The following CSMD3 variants were observed in gnomAD, a reference collection of about 807,000 sequenced individuals.
CSMD3 encodes the protein CUB and sushi domain-containing protein 3.
Under a neutral mutation model 435.2 loss-of-function variants are expected in CSMD3, and 177 were observed. That is an observed-to-expected ratio of 0.41 (90% CI 0.36 to 0.46). CSMD3 has a LOEUF of 0.46. Ranked by LOEUF, CSMD3 falls within the 20% of genes least tolerant of loss-of-function variation. The pLI is 0.34. For missense variants in CSMD3, 4,265 were observed against 4,504.6 expected (o/e 0.95, Z 1.52); for synonymous variants, 1,656 against 1,520.5 (o/e 1.09, Z -2.07).
chr8:112,337,288 C>T (rs566816689), intron 43 of CSMD3, among the ~76,000 whole-genome samples: 1 of 152,162 alleles, frequency 6.6e-6, no homozygotes, highest in South Asian at 2.1e-4. Context: ...ACCCCCTTCC[C>T]TTCCCCACAC....
chr8:113,012,628 T>C (rs2086298883), intron 6 of CSMD3, among the ~76,000 whole-genome samples: 1 of 152,168 alleles, frequency 6.6e-6, no homozygotes, highest in East Asian at 1.9e-4. Context: ...CCTGCCACCA[T>C]GTAAAACATG....
chr8:113,233,142 T>C (rs1209992900), intron 3 of CSMD3, among the ~76,000 whole-genome samples: 2 of 151,816 alleles, frequency 1.3e-5, no homozygotes, highest in Non-Finnish European at 2.9e-5. Context: ...TAAAGTATGT[T>C]AATTAATCAA....
intron 13 of CSMD3, among the ~76,000 whole-genome samples, chr8:112,702,212 C>T (rs963062798): frequency 1.3e-5 from 2 of 152,014 alleles, no homozygotes; most frequent in African/African-American, 2.4e-5. Flanking sequence ...ATTTGTCCAA[C>T]GACACACAAA....
At chr8:112,785,343 C>A (rs1195697535) in intron 13 of CSMD3, among the ~76,000 whole-genome samples, 1 of 151,902 alleles carries the variant, frequency 6.6e-6, no homozygotes, top group Non-Finnish European at 1.5e-5. Flanking sequence ...CTTCTAAGAT[C>A]TGGAGCAAGT....
rs562362471 is a variant in CSMD3 at position 113,035,367 on chromosome 8, T to A, written c.918-16188A>T. ...AGAACATAGATGAATCTCAAAAGGA[T>A]TATAAGTGAAAGATCCATATACTGT... On this transcript the variant is annotated intron_variant, in intron 5 of 70. Coordinates refer to ENST00000297405, the MANE Select transcript of CSMD3 (RefSeq NM_198123.2). Among the ~76,000 whole-genome samples, 22 of 152,056 alleles carry A rather than the reference T, an allele frequency of 1.4e-4. 2 individuals carry two copies. Among genetic ancestry groups the A allele is most frequent in the Admixed American group, 1.2e-3 (19 of 15,276 alleles).
In CSMD3 at chr8:112,921,555, G is replaced by A. The variant is rs2082744142; in HGVS notation, c.1633+72C>T. 3 of 1,226,006 alleles carry A rather than the reference G, an allele frequency of 2.4e-6. No homozygotes were observed. In the East Asian group the frequency reaches 7.0e-5, roughly 29 times the overall value. 75.9% of individuals were successfully genotyped at this position (1,226,006 alleles called of 1,614,324 possible). On this transcript the variant is annotated intron_variant, in intron 10 of 70. Coordinates refer to ENST00000297405, the MANE Select transcript of CSMD3 (RefSeq NM_198123.2). ...TATATTACAATTCAAAGACTTAATT[G>A]CAACTTAATTACAATGAAATAAAGG... is the stretch of plus-strand genomic sequence containing the variant.
chr8:112,385,033 G>A (rs918968885), intron 36 of CSMD3, among the ~76,000 whole-genome samples: 5 of 152,158 alleles, frequency 3.3e-5, no homozygotes, highest in Admixed American at 6.5e-5. Flanking sequence ...CCATAAGCTA[G>A]ATTTAGTGGA....
chr8:112,947,680 C>A, intron 9 of CSMD3, 110 bp downstream of exon 9: 1 of 597,608 alleles, frequency 1.7e-6, no homozygotes, highest in Non-Finnish European at 3.0e-6. Context: ...TGATAAAATG[C>A]AGTTTGATGC....
rs1462802411 is a variant in CSMD3, at chr8:112,668,160, C to T, written c.2678-1745G>A. The stretch of plus-strand genomic sequence containing the variant: ...GAATTTAATTTTGTTTCCTAAAAAG[C>T]TAGTTTTAAAGGAGGCCATTTTTAT... On this transcript the variant is annotated intron_variant, in intron 16 of 70. Coordinates refer to ENST00000297405, the MANE Select transcript of CSMD3 (RefSeq NM_198123.2). Among the ~76,000 whole-genome samples, 4 of 152,062 alleles carry T rather than the reference C, an allele frequency of 2.6e-5. No homozygotes were observed. In the East Asian group the frequency reaches 7.7e-4, roughly 29 times the overall value.
chr8:112,265,728 A>C, intron 59 of CSMD3, 138 bp from the exon 60 acceptor site: 1 of 724,400 alleles, frequency 1.4e-6, no homozygotes, highest in African/African-American at 1.7e-5. Context: ...AAACATAAAC[A>C]TATTTAAACC....
intron 1 of CSMD3, among the ~76,000 whole-genome samples, chr8:113,333,595 G>A (rs931010040): frequency 1.3e-5 from 2 of 151,772 alleles, no homozygotes; most frequent in African/African-American, 4.8e-5. Context: ...ACTTGTTTGA[G>A]TCTATCTTTG....
At chr8:113,326,634 G>C (rs2093985834) in intron 1 of CSMD3, among the ~76,000 whole-genome samples, 1 of 152,098 alleles carries the variant, frequency 6.6e-6, no homozygotes, top group Admixed American at 6.5e-5. Flanking sequence ...AAACTTATTA[G>C]TGTATGTCTC....
At chr8:112,456,070 A>G (rs1428140387) in intron 32 of CSMD3, among the ~76,000 whole-genome samples, 1 of 152,172 alleles carries the variant, frequency 6.6e-6, no homozygotes, top group Non-Finnish European at 1.5e-5. Flanking sequence ...ACATCCAGAC[A>G]ACACATAATT....
chr8:112,604,640 G>A (rs1832650740), intron 22 of CSMD3, among the ~76,000 whole-genome samples: 2 of 151,998 alleles, frequency 1.3e-5, no homozygotes, highest in Non-Finnish European at 2.9e-5. Flanking sequence ...AAACCAACTC[G>A]GGATGGATTA....
intron 11 of CSMD3, among the ~76,000 whole-genome samples, chr8:112,846,497 G>T (rs1417773599): frequency 6.6e-6 from 1 of 151,760 alleles, no homozygotes. Context: ...TAAACTCCTG[G>T]ACTCAAGTGA....
At chr8:113,374,396 G>A (rs1033661404) in intron 1 of CSMD3, among the ~76,000 whole-genome samples, 7 of 152,086 alleles carry the variant, frequency 4.6e-5, no homozygotes, top group African/African-American at 1.7e-4. Flanking sequence ...TTCTTATTCA[G>A]ACCACAGCAC....
chr8:112,410,495 A>AATAT (rs4029455), intron 32 of CSMD3, among the ~76,000 whole-genome samples: 3,989 of 122,592 alleles, frequency 0.033, 105 homozygotes, highest in Non-Finnish European at 0.041. Flanking sequence ...AAATACTCCA[A>AATAT]ATATATATAT....
chr8:113,010,863 A>T (rs2086232101), intron 6 of CSMD3, among the ~76,000 whole-genome samples: 1 of 151,582 alleles, frequency 6.6e-6, no homozygotes, highest in Non-Finnish European at 1.5e-5. Context: ...TGCTATGAAG[A>T]TTAATCCAAC....
At chr8:113,121,462 C>T (rs1387850521) in intron 4 of CSMD3, among the ~76,000 whole-genome samples, 1 of 152,020 alleles carries the variant, frequency 6.6e-6, no homozygotes, top group African/African-American at 2.4e-5. Flanking sequence ...CACGTAAAAT[C>T]TTCAATCCTC....
Sources: allele counts gnomAD v4.1 joint callset (sites outside exome capture counted in the v4.1 genomes callset), GRCh38; gene constraint gnomAD v4.1.1; transcripts MANE v1.5; gene names NCBI Gene and HGNC (gene_info 2026-07-23, HGNC 2026-07-21).